Variants in ARMH4 observed in about 807,000 individuals in gnomAD.
ARMH4 encodes the protein armadillo like helical domain containing 4.
In ARMH4, 49 loss-of-function variants were observed where a neutral mutation model predicts 61.9. The observed-to-expected ratio is 0.79, with a 90% CI of 0.63 to 1.00. The LOEUF is 1.00. ARMH4 is among the 50% of genes least tolerant of loss of function. The pLI is 0.00. For missense variants in ARMH4, 934 were observed against 930.0 expected, an observed-to-expected ratio of 1.00 and a Z score of -0.06; for synonymous variants, 368 against 341.5, an observed-to-expected ratio of 1.08 and a Z score of -0.85.
At chr14:58,145,907 T>C (rs1223374602) in intron 1 of ARMH4, among the ~76,000 whole-genome samples, 5 of 152,242 alleles carry the variant, frequency 3.3e-5, no homozygotes, top group Non-Finnish European at 7.3e-5. Flanking sequence ...GATAAACTGA[T>C]AGATGACCTT....
chr14:58,138,658 G>A lies in ARMH4; in HGVS notation c.701C>T (p.Thr234Ile), dbSNP rs1270407547. ...KFEADTDHRT[T>I]SFPGAESTAG... is the part of the protein sequence containing the mutation. ...TGTGGACTCAGCACCAGGAAAAGAA[G>A]TTGTCCTGTGGTCTGTGTCTGCTTC... is the stretch of plus-strand genomic sequence containing the variant. Residue 234 changes from threonine (T) to isoleucine (I), a missense_variant, in exon 2 of 8, where the codon ACT (threonine) becomes ATT (isoleucine). Transcript: ENST00000267485. 2.5e-6 allele frequency: 4 copies of A among 1,614,212 alleles called. No homozygotes were observed. The highest frequency in any genetic ancestry group is 1.7e-5 in the Admixed American group (1 of 60,032).
intron 2 of ARMH4, among the ~76,000 whole-genome samples, chr14:58,137,033 G>C (rs939321773): frequency 2.0e-5 from 3 of 152,122 alleles, no homozygotes; most frequent in Admixed American, 2.0e-4. Context: ...ACAACAATGT[G>C]TATGTAAGTA....
At chr14:58,143,998 T>G (rs1483301944) in intron 1 of ARMH4, among the ~76,000 whole-genome samples, 2 of 152,000 alleles carry the variant, frequency 1.3e-5, no homozygotes, top group Non-Finnish European at 2.9e-5. Context: ...GATCTAGAAC[T>G]CCTGACCTCA....
chr14:58,083,187 C>G (rs1411787102), intron 5 of ARMH4, among the ~76,000 whole-genome samples: 1 of 152,160 alleles, frequency 6.6e-6, no homozygotes, highest in Non-Finnish European at 1.5e-5. Flanking sequence ...CAGATACATT[C>G]CCACCTATCC....
intron 1 of ARMH4, among the ~76,000 whole-genome samples, chr14:58,148,387 G>A (rs1460539220): frequency 6.6e-6 from 1 of 152,128 alleles, no homozygotes; most frequent in Non-Finnish European, 1.5e-5. Context: ...ACGACCCATG[G>A]TTCCCTACCC....
At chr14:58,087,604 T>C (rs1329862166) in intron 5 of ARMH4, among the ~76,000 whole-genome samples, 1 of 152,202 alleles carries the variant, frequency 6.6e-6, no homozygotes, top group Non-Finnish European at 1.5e-5. Flanking sequence ...AAAGTGAACA[T>C]CATCTGGGTT....
chr14:58,110,992 G>T (rs1180763571), intron 4 of ARMH4, among the ~76,000 whole-genome samples: 1 of 151,986 alleles, frequency 6.6e-6, no homozygotes, highest in Non-Finnish European at 1.5e-5. Context: ...GACCTCAGAT[G>T]ATCCACCTGC....
intron 4 of ARMH4, among the ~76,000 whole-genome samples, chr14:58,117,810 G>A (rs2141298187): frequency 6.6e-6 from 1 of 151,992 alleles, no homozygotes; most frequent in East Asian, 1.9e-4. Flanking sequence ...CCAAGCTGGA[G>A]TGCAGTGGTA....
intron 5 of ARMH4, among the ~76,000 whole-genome samples, chr14:58,013,828 A>G (rs1350162579): frequency 6.6e-6 from 1 of 152,150 alleles, no homozygotes; most frequent in African/African-American, 2.4e-5. Context: ...GTTCAAGACC[A>G]GCCTGGCCAA....
At chr14:58,046,842 A>G (rs1883962436) in intron 5 of ARMH4, among the ~76,000 whole-genome samples, 1 of 152,230 alleles carries the variant, frequency 6.6e-6, no homozygotes, top group Non-Finnish European at 1.5e-5. Context: ...TTTTATTATA[A>G]TGTTACTTAA....
At chr14:58,111,505 A>G (rs912268078) in intron 4 of ARMH4, among the ~76,000 whole-genome samples, 5 of 152,198 alleles carry the variant, frequency 3.3e-5, no homozygotes, top group African/African-American at 4.8e-5. Flanking sequence ...TGGCTTAAAC[A>G]ACAGAAATTT....
intron 1 of ARMH4, among the ~76,000 whole-genome samples, chr14:58,144,867 CA>C (rs905261715): frequency 6.8e-6 from 1 of 147,618 alleles, no homozygotes; most frequent in Non-Finnish European, 1.5e-5. Context: ...GACTCCATCT[CA>C]AAAAAAAACA....
At chr14:58,027,539 AT>A (rs71912653) in intron 5 of ARMH4, among the ~76,000 whole-genome samples, 24,685 of 152,118 alleles carry the variant, frequency 0.16, 2,670 homozygotes, top group East Asian at 0.48. Flanking sequence ...TTAAAATAAT[AT>A]TTTTTTAAAG....
At chr14:58,031,323 C>T (rs773035911) in intron 5 of ARMH4, among the ~76,000 whole-genome samples, 2 of 152,252 alleles carry the variant, frequency 1.3e-5, no homozygotes, top group East Asian at 1.9e-4. Context: ...TAGCCATCAA[C>T]CAAAATGGAT....
At chr14:58,126,896 G>A (rs543906146) in intron 4 of ARMH4, among the ~76,000 whole-genome samples, 26 of 147,704 alleles carry the variant, frequency 1.8e-4, no homozygotes, top group Admixed American at 4.1e-4. Flanking sequence ...TATGCTTCCC[G>A]GGTTCAAGTG....
chr14:58,080,068 G>A (rs971882397), intron 5 of ARMH4, among the ~76,000 whole-genome samples: 2 of 151,860 alleles, frequency 1.3e-5, no homozygotes, highest in Non-Finnish European at 1.5e-5. Context: ...ACGATGCTAA[G>A]ACAAGGAGAT....
chr14:58,049,440 C>G (rs1056548272), intron 5 of ARMH4, among the ~76,000 whole-genome samples: 1 of 152,112 alleles, frequency 6.6e-6, no homozygotes, highest in Non-Finnish European at 1.5e-5. Context: ...CCAAAAGTAA[C>G]ATGTATTTTA....
chr14:58,117,463 C>T (rs981823556), intron 4 of ARMH4, among the ~76,000 whole-genome samples: 7 of 152,162 alleles, frequency 4.6e-5, no homozygotes, highest in Admixed American at 3.3e-4. Context: ...TAAAGCATGT[C>T]TCAACCTATC....
intron 4 of ARMH4, among the ~76,000 whole-genome samples, chr14:58,106,563 G>A: frequency 6.6e-6 from 1 of 152,142 alleles, no homozygotes; most frequent in East Asian, 1.9e-4. Context: ...GTTGCAAGTG[G>A]CAGGCAGACA....
Sources: allele counts gnomAD v4.1 joint callset (sites outside exome capture counted in the v4.1 genomes callset), GRCh38; gene constraint gnomAD v4.1.1; transcripts MANE v1.5; gene names NCBI Gene and HGNC (gene_info 2026-07-23, HGNC 2026-07-21).